Variants in MEF2C observed in about 807,000 individuals in gnomAD.
MEF2C encodes myocyte-specific enhancer factor 2C.
A neutral mutation model predicts 50.5 loss-of-function variants in MEF2C; 6 were observed. The observed-to-expected ratio is 0.12, with a 90% confidence interval of 0.07 to 0.23. MEF2C has a LOEUF of 0.23. Among genes scored for constraint, MEF2C ranks in the 10% least tolerant of loss-of-function variants. MEF2C has a pLI of 1.00. For missense variants in MEF2C, 276 were observed against 605.0 expected (o/e 0.46, Z 5.70); for synonymous variants, 183 against 228.0 (o/e 0.80, Z 1.78).
chr5:88,761,796 CCT>C, intron 3 of MEF2C: 1 of 160,768 alleles, frequency 6.2e-6, no homozygotes, highest in Non-Finnish European at 1.4e-5. Context: ...TTAGTGGTGT[CCT>C]GTCCCCACAG....
chr5:88,731,327 T>C (rs1761450004), intron 7 of MEF2C: 2 of 158,780 alleles, frequency 1.3e-5, no homozygotes, highest in African/African-American at 4.8e-5. Flanking sequence ...TTTCTCATTG[T>C]CAGCGTGTTG....
chr5:88,761,466 T>C, intron 3 of MEF2C, 138 bp from the exon 4 acceptor site: 1 of 1,049,628 alleles, frequency 9.5e-7, no homozygotes, highest in Non-Finnish European at 1.3e-6. Flanking sequence ...AAACCACAGA[T>C]GAAAGCTGAG....
At chr5:88,900,284 T>C (rs996194535) in intron 1 of MEF2C, among the ~76,000 whole-genome samples, 1 of 151,796 alleles carries the variant, frequency 6.6e-6, no homozygotes, top group African/African-American at 2.4e-5. Context: ...GATAGTTATA[T>C]ATACACACAC....
rs1561608696 is a variant in MEF2C at position 88,718,223 on chromosome 5, T to A, written c.*4381A>T. On this transcript the variant is annotated 3_prime_UTR_variant, in exon 11 of 11. Transcript: ENST00000504921. Reference sequence around the variant, plus strand: ...ACAGCAAAACATTAATTTAAAAAAATGCACCACGGACACTGCATCACTAAG... The same window carrying A: ...ACAGCAAAACATTAATTTAAAAAAAAGCACCACGGACACTGCATCACTAAG... 6.6e-6 allele frequency: 1 copy of A among 152,208 alleles called. No individual in the cohort carries two copies. Among genetic ancestry groups the A allele is most frequent in the Non-Finnish European group, 1.5e-5 (1 of 68,022 alleles). The allele number at this position is 152,208 out of a possible 1,614,324, so 9.4% of individuals were successfully genotyped here.
intron 1 of MEF2C, among the ~76,000 whole-genome samples, chr5:88,882,417 TGAGGGAAG>T (rs1325774868): frequency 6.6e-6 from 1 of 152,078 alleles, no homozygotes; most frequent in East Asian, 1.9e-4. Context: ...GGCACTTTGG[TGAGGGAAG>T]GAAATGCACA....
intron 2 of MEF2C, among the ~76,000 whole-genome samples, chr5:88,808,453 G>C (rs1801440170): frequency 6.6e-6 from 1 of 152,086 alleles, no homozygotes. Context: ...GTCACTATTT[G>C]TGTTTACTTT....
chr5:88,787,066 G>C (rs1160035435), intron 3 of MEF2C, among the ~76,000 whole-genome samples: 1 of 152,084 alleles, frequency 6.6e-6, no homozygotes, highest in Non-Finnish European at 1.5e-5. Flanking sequence ...GTCCACCATG[G>C]ACTGCTACTG....
chr5:88,820,424 A>T (rs550327765), intron 2 of MEF2C, among the ~76,000 whole-genome samples: 71 of 152,026 alleles, frequency 4.7e-4, no homozygotes, highest in Non-Finnish European at 8.2e-4. Context: ...AAAGACAGCT[A>T]AAGTAAAGGT....
At chr5:88,842,486 A>G (rs1057195666) in intron 1 of MEF2C, among the ~76,000 whole-genome samples, 1 of 151,980 alleles carries the variant, frequency 6.6e-6, no homozygotes, top group Non-Finnish European at 1.5e-5. Flanking sequence ...ACTCTCTAAC[A>G]TATAATAAAA....
At chr5:88,754,166 G>C (rs1178628227) in intron 4 of MEF2C, among the ~76,000 whole-genome samples, 1 of 152,228 alleles carries the variant, frequency 6.6e-6, no homozygotes, top group African/African-American at 2.4e-5. Context: ...ACAGCACAGA[G>C]AGCAGGAGGG....
chr5:88,833,673 T>C (rs1226244036), intron 1 of MEF2C, among the ~76,000 whole-genome samples: 3 of 152,104 alleles, frequency 2.0e-5, no homozygotes, highest in African/African-American at 7.2e-5. Flanking sequence ...ATAAAGATAA[T>C]ATATGATTAA....
At chr5:88,822,874 T>C (rs1303617050) in intron 2 of MEF2C, among the ~76,000 whole-genome samples, 3 of 151,962 alleles carry the variant, frequency 2.0e-5, no homozygotes, top group Admixed American at 6.6e-5. Context: ...TATGAGATGG[T>C]TGGGACCCAG....
upstream of MEF2C, among the ~76,000 whole-genome samples, chr5:88,887,121 C>T (rs1834110636): frequency 6.6e-6 from 1 of 152,196 alleles, no homozygotes; most frequent in African/African-American, 2.4e-5. Flanking sequence ...GTATTTGTTC[C>T]TCAGCCAGAA....
At chr5:88,746,100 T>A (rs1361680161) in intron 6 of MEF2C, among the ~76,000 whole-genome samples, 10 of 152,084 alleles carry the variant, frequency 6.6e-5, no homozygotes, top group Admixed American at 6.5e-4. Flanking sequence ...GGATAAGATA[T>A]TCACTGTTAA....
intron 6 of MEF2C, among the ~76,000 whole-genome samples, chr5:88,747,812 T>C (rs542482657): frequency 1.4e-4 from 22 of 152,218 alleles, no homozygotes; most frequent in Non-Finnish European, 7.3e-5. Flanking sequence ...GTCCTCACCA[T>C]TCTTTCTAAT....
chr5:88,769,213 T>A (rs1368520311), intron 3 of MEF2C, among the ~76,000 whole-genome samples: 1 of 152,236 alleles, frequency 6.6e-6, no homozygotes, highest in Non-Finnish European at 1.5e-5. Flanking sequence ...TTAAGCATGC[T>A]TTCAAATTCT....
chr5:88,839,291 A>C (rs1210975308), intron 1 of MEF2C: 1 of 151,918 alleles, frequency 6.6e-6, no homozygotes, highest in Non-Finnish European at 1.5e-5. Context: ...AGAACCATTC[A>C]AAAACTCCAT....
At chr5:88,744,805 A>C (rs1768583812) in intron 6 of MEF2C, among the ~76,000 whole-genome samples, 1 of 152,174 alleles carries the variant, frequency 6.6e-6, no homozygotes, top group South Asian at 2.1e-4. Flanking sequence ...AAGTTAAGTG[A>C]TGATAAGAAG....
In MEF2C at chr5:88,728,616, C is replaced by A; in HGVS notation, c.977G>T (p.Ser326Ile). The change falls in exon 10 of 11, where the codon AGT becomes ATT. Residue 326 changes from serine (S) to isoleucine (I), a missense_variant. Ser to Ile is a moderately radical substitution (Grantham distance 142). Coordinates refer to ENST00000504921, the MANE Select transcript of MEF2C (RefSeq NM_002397.5). Reference protein sequence around the residue: ...STTYGTEYSLSSADLSSLSGF... With the variant: ...STTYGTEYSLISADLSSLSGF... The stretch of plus-strand genomic sequence containing the variant: ...AGACAGAGATGACAGGTCTGCACTA[C>A]TCAGAGAGTACTCTAGATTAAAGAA... 6.8e-7 allele frequency: 1 copy of A among 1,478,820 alleles called. No individual in the cohort carries two copies. Among genetic ancestry groups the A allele is most frequent in the South Asian group, 1.5e-5 (1 of 68,684 alleles). 91.6% of individuals were successfully genotyped at this position (1,478,820 alleles called of 1,614,324 possible).
Sources: gnomAD v4.1 joint callset for allele counts (sites outside exome capture counted in the v4.1 genomes callset) on GRCh38, gnomAD v4.1.1 for gene constraint, MANE v1.5 for transcripts, NCBI Gene and HGNC (gene_info 2026-07-23, HGNC 2026-07-21) for gene names.